KIAA0930: variants seen among roughly 807,000 people sequenced by gnomAD.
KIAA0930 encodes the protein uncharacterized protein KIAA0930.
In KIAA0930, 24 loss-of-function variants were observed where a neutral mutation model predicts 43.9. The observed-to-expected ratio is 0.55, with a 90% CI of 0.40 to 0.77. The LOEUF (loss-of-function observed/expected upper bound fraction) is 0.77. KIAA0930 is among the 30% of genes least tolerant of loss of function. The probability of loss-of-function intolerance (pLI) is 0.00; values close to 1 mark genes in which losing one functional copy is unlikely to be tolerated. For synonymous variants in KIAA0930, 259 were observed against 216.4 expected (o/e 1.20, Z -1.73); for missense variants, 461 against 574.2 (o/e 0.80, Z 2.02).
chr22:45,209,249 C>T (rs891566955), intron 2 of KIAA0930, among the ~76,000 whole-genome samples: 2 of 152,156 alleles, frequency 1.3e-5, no homozygotes, highest in African/African-American at 4.8e-5. Context: ...GCCAGGCTCC[C>T]GCAGAGGACT....
chr22:45,229,462 G>A (rs893080615), intron 1 of KIAA0930, among the ~76,000 whole-genome samples: 4 of 152,046 alleles, frequency 2.6e-5, no homozygotes, highest in African/African-American at 7.3e-5. Context: ...AGTCAGAGCC[G>A]TGGAGGGGAG....
At chr22:45,229,128 A>T (rs375414048) in intron 1 of KIAA0930, among the ~76,000 whole-genome samples, 5 of 2,528 alleles carry the variant, frequency 2.0e-3, no homozygotes, top group South Asian at 0.014. Context: ...TCCACCCCCC[A>T]ACCACCAAAC....
chr22:45,216,228 G>A lies in KIAA0930; in HGVS notation c.65-4121C>T, dbSNP rs1156519264. 7.2e-5 allele frequency among the ~76,000 whole-genome samples: 11 copies of A among 152,182 alleles called. No homozygotes were observed. The East Asian group carries it at 2.1e-3, about 29-fold the overall frequency. On this transcript the variant is annotated intron_variant, in intron 1 of 9. Transcript: ENST00000336156. Reference sequence around the variant, plus strand: ...TCAAACATATGTGTGCTCAGGTCCTGACGCCACCCTTCCCTACTCAGATGG... The same window carrying A: ...TCAAACATATGTGTGCTCAGGTCCTAACGCCACCCTTCCCTACTCAGATGG...
chr22:45,224,981 C>T (rs1185895028), intron 1 of KIAA0930, among the ~76,000 whole-genome samples: 1 of 152,024 alleles, frequency 6.6e-6, no homozygotes, highest in Non-Finnish European at 1.5e-5. Flanking sequence ...GTGCCTGTCC[C>T]GGGACTGTCT....
chr22:45,232,779 AC>A (rs1304522825), intron 1 of KIAA0930, among the ~76,000 whole-genome samples: 4 of 151,912 alleles, frequency 2.6e-5, no homozygotes, highest in African/African-American at 4.8e-5. Context: ...CTGGGTGGGG[AC>A]CGGCTCCAGG....
chr22:45,201,246 G>A (rs1215174444), intron 7 of KIAA0930, among the ~76,000 whole-genome samples: 2 of 152,212 alleles, frequency 1.3e-5, no homozygotes, highest in African/African-American at 4.8e-5. Context: ...AGACGACCCC[G>A]CCAGAGAAGG....
At chr22:45,238,803 G>A (rs2083901230) in intron 1 of KIAA0930, among the ~76,000 whole-genome samples, 3 of 152,060 alleles carry the variant, frequency 2.0e-5, no homozygotes, top group Admixed American at 2.0e-4. Flanking sequence ...GGCAGGCTCT[G>A]AGGTCAGGCT....
chr22:45,204,850 C>T (rs551313168), intron 5 of KIAA0930, among the ~76,000 whole-genome samples: 5 of 152,138 alleles, frequency 3.3e-5, no homozygotes, highest in Admixed American at 2.0e-4. Flanking sequence ...TCAGTGCAGG[C>T]GTGGAGGCGC....
chr22:45,228,463 C>T (rs191041637), intron 1 of KIAA0930, among the ~76,000 whole-genome samples: 2 of 152,264 alleles, frequency 1.3e-5, no homozygotes, highest in African/African-American at 2.4e-5. Flanking sequence ...GTCTGACCCT[C>T]GCTCCTTCCT....
intron 1 of KIAA0930, among the ~76,000 whole-genome samples, chr22:45,229,930 C>A (rs1015249100): frequency 1.1e-4 from 16 of 152,266 alleles, no homozygotes; most frequent in African/African-American, 3.6e-4. Context: ...CCTGTCTCTA[C>A]GAAAAATACA....
intron 1 of KIAA0930, among the ~76,000 whole-genome samples, chr22:45,227,379 C>G (rs2087749642): frequency 6.6e-6 from 1 of 152,200 alleles, no homozygotes; most frequent in African/African-American, 2.4e-5. Context: ...ATTGTGAAAA[C>G]CAGGGGGCTG....
At chr22:45,236,687 C>G (rs552849044) in intron 1 of KIAA0930, among the ~76,000 whole-genome samples, 33 of 152,168 alleles carry the variant, frequency 2.2e-4, no homozygotes, top group African/African-American at 7.2e-4. Context: ...CAGCAAGATT[C>G]GGCCACTTCC....
chr22:45,203,429 AGCAAGGCTGGCT>A (rs2083607686), intron 6 of KIAA0930, among the ~76,000 whole-genome samples: 1 of 152,150 alleles, frequency 6.6e-6, no homozygotes. Context: ...CCAGGCTGGC[AGCAAGGCTGGCT>A]GCGGATGGTG....
chr22:45,205,550 G>T (rs2083629012), intron 4 of KIAA0930, 80 bp downstream of exon 4: 7 of 1,354,504 alleles, frequency 5.2e-6, no homozygotes. Flanking sequence ...AGAGAAGCAA[G>T]CAGGAGGACT....
At chr22:45,226,249 ATG>A (rs1453806784) in intron 1 of KIAA0930, 1 of 471,144 alleles carries the variant, frequency 2.1e-6, no homozygotes, top group Non-Finnish European at 4.4e-6. Flanking sequence ...CCCAGGCCAC[ATG>A]TGTGACCACC....
chr22:45,215,427 T>C (rs2083725598), intron 1 of KIAA0930, among the ~76,000 whole-genome samples: 1 of 152,192 alleles, frequency 6.6e-6, no homozygotes, highest in African/African-American at 2.4e-5. Flanking sequence ...TGCATCTACC[T>C]GACGGCAGAG....
At chr22:45,220,023 C>T (rs747250174) in intron 1 of KIAA0930, among the ~76,000 whole-genome samples, 10 of 151,838 alleles carry the variant, frequency 6.6e-5, no homozygotes, top group Non-Finnish European at 1.3e-4. Context: ...GTATTGATTT[C>T]GAAGACCACA....
intron 6 of KIAA0930, among the ~76,000 whole-genome samples, 182 bp downstream of exon 6, chr22:45,203,663 T>C (rs1310739165): frequency 5.3e-5 from 8 of 152,036 alleles, no homozygotes; most frequent in Non-Finnish European, 7.4e-5. Flanking sequence ...AGGCCGACCA[T>C]GAAGAATGAC....
chr22:45,195,825 GA>G lies in KIAA0930; in HGVS notation c.*1350del, dbSNP rs2083531316. ...TTTCACAGGTGGGCAAACTGAGGCA[GA>G]ATGAAATGCAATAGCTCGCTTTTAA... On this transcript the variant is annotated 3_prime_UTR_variant, in exon 10 of 10. Transcript: ENST00000336156. The G allele has an allele frequency of 6.6e-6, 1 of 152,604 alleles. No individual in the cohort carries two copies. The highest frequency in any genetic ancestry group is 2.4e-5 in the African/African-American group (1 of 41,436). The allele number at this position is 152,604 out of a possible 1,614,324, so 9.5% of individuals were successfully genotyped here. A position where few individuals can be genotyped will look rare whatever the true frequency, so the allele number is the denominator to read the frequency against.
Sources: allele counts gnomAD v4.1 joint callset (sites outside exome capture counted in the v4.1 genomes callset), GRCh38; gene constraint gnomAD v4.1.1; transcripts MANE v1.5; gene names NCBI Gene and HGNC (gene_info 2026-07-23, HGNC 2026-07-21).